The following FAM227B variants were observed in gnomAD, a reference collection of about 807,000 sequenced individuals.
The protein encoded by FAM227B is family with sequence similarity 227 member B, also known as protein FAM227B.
FAM227B carries 88 observed loss-of-function variants against 73.8 expected under a neutral mutation model. That is an observed-to-expected ratio of 1.19 (90% CI 1.00 to 1.42). The LOEUF is 1.42. FAM227B is among the 40% of genes most tolerant of loss of function. FAM227B has a pLI of 0.00. For synonymous variants in FAM227B, 210 were observed against 190.5 expected, an observed-to-expected ratio of 1.10 and a Z score of -0.84; for missense variants, 632 against 590.9, an observed-to-expected ratio of 1.07 and a Z score of -0.72.
chr15:49,419,934 T>A (rs16962436), intron 11 of FAM227B, among the ~76,000 whole-genome samples: 13,254 of 152,216 alleles, frequency 0.087, 1,939 homozygotes, highest in African/African-American at 0.31. Context: ...TTGTAGCACT[T>A]GTCCATGATG....
intron 10 of FAM227B, among the ~76,000 whole-genome samples, chr15:49,515,147 G>A (rs961169927): frequency 6.6e-6 from 1 of 152,016 alleles, no homozygotes; most frequent in Non-Finnish European, 1.5e-5. Flanking sequence ...GGTCTTGGAT[G>A]CTCTGTTCTG....
intron 9 of FAM227B, among the ~76,000 whole-genome samples, chr15:49,549,085 ACATTG>A (rs2072397822): frequency 1.3e-5 from 2 of 151,974 alleles, no homozygotes; most frequent in African/African-American, 4.8e-5. Flanking sequence ...TCTTTAAGAC[ACATTG>A]TTAGAGACTG....
chr15:49,420,674 G>A (rs886625205), intron 11 of FAM227B, among the ~76,000 whole-genome samples: 8 of 152,096 alleles, frequency 5.3e-5, no homozygotes, highest in Non-Finnish European at 1.0e-4. Context: ...CCCTTCTACT[G>A]ATTATATTAT....
chr15:49,427,032 G>A (rs1363079958), intron 11 of FAM227B, among the ~76,000 whole-genome samples: 1 of 151,834 alleles, frequency 6.6e-6, no homozygotes, highest in African/African-American at 2.4e-5. Context: ...GAAGTCCTTA[G>A]GTACAGAGGG....
intron 11 of FAM227B, among the ~76,000 whole-genome samples, chr15:49,447,303 A>G (rs2052313612): frequency 6.6e-6 from 1 of 151,578 alleles, no homozygotes; most frequent in African/African-American, 2.4e-5. Context: ...CTGGCAAAAT[A>G]CTCTCTTATC....
At chr15:49,571,986 G>A (rs891551964) in intron 8 of FAM227B, among the ~76,000 whole-genome samples, 2 of 151,812 alleles carry the variant, frequency 1.3e-5, no homozygotes, top group African/African-American at 4.8e-5. Context: ...ATAAACACAG[G>A]ATATCTTTCC....
At chr15:49,590,941 T>C (rs2076487284) in intron 3 of FAM227B, among the ~76,000 whole-genome samples, 1 of 152,038 alleles carries the variant, frequency 6.6e-6, no homozygotes, top group Non-Finnish European at 1.5e-5. Flanking sequence ...CTGGCTTATT[T>C]TACATAGCAT....
At chr15:49,466,591 G>A (rs2054288068) in intron 11 of FAM227B, among the ~76,000 whole-genome samples, 1 of 152,050 alleles carries the variant, frequency 6.6e-6, no homozygotes, top group Non-Finnish European at 1.5e-5. Context: ...TATATCTTAT[G>A]AATACATAAA....
intron 10 of FAM227B, among the ~76,000 whole-genome samples, chr15:49,533,441 G>A (rs146398754): frequency 6.6e-6 from 1 of 151,838 alleles, no homozygotes; most frequent in Non-Finnish European, 1.5e-5. Context: ...TTTCTCTGTA[G>A]AAATCTATCA....
chr15:49,398,770 G>C (rs1392324465), intron 11 of FAM227B, among the ~76,000 whole-genome samples: 4 of 37,278 alleles, frequency 1.1e-4, no homozygotes, highest in African/African-American at 5.0e-4. Flanking sequence ...ACGAAATGAA[G>C]GCAGAAATAA....
intron 11 of FAM227B, among the ~76,000 whole-genome samples, chr15:49,380,708 T>C (rs895140937): frequency 2.0e-5 from 3 of 152,118 alleles, no homozygotes; most frequent in Admixed American, 1.3e-4. Flanking sequence ...CTTTTTTTTC[T>C]ACTTTATTTT....
At position 49,397,243 on chromosome 15, in the gene FAM227B, A is replaced by G. The variant is rs140165111; in HGVS notation, c.1013-25844T>C. ...GACGCGATCAACTAGAAGAAAGGGT[A>G]TCAGCCATGGAAGATGAAATGAATG... On this transcript the variant is annotated intron_variant, in intron 11 of 15. Transcript: ENST00000299338. Among the ~76,000 whole-genome samples the G allele has an allele frequency of 6.9e-3, 1,057 of 152,318 alleles. 18 individuals are homozygous for G. Among genetic ancestry groups the G allele is most frequent in the African/African-American group, 0.024 (1,011 of 41,550 alleles).
At chr15:49,468,085 T>C (rs571570098) in intron 11 of FAM227B, among the ~76,000 whole-genome samples, 1 of 152,316 alleles carries the variant, frequency 6.6e-6, no homozygotes, top group South Asian at 2.1e-4. Context: ...CACATGCTGA[T>C]GTACTTTCTA....
chr15:49,411,944 C>A (rs886724586), intron 11 of FAM227B, among the ~76,000 whole-genome samples: 3 of 152,058 alleles, frequency 2.0e-5, no homozygotes, highest in African/African-American at 7.2e-5. Context: ...TTTACATCCT[C>A]ATTTGCAGAT....
intron 13 of FAM227B, among the ~76,000 whole-genome samples, chr15:49,345,512 A>T (rs1158154509): frequency 6.6e-6 from 1 of 152,176 alleles, no homozygotes; most frequent in Non-Finnish European, 1.5e-5. Flanking sequence ...TTTTTTCCGA[A>T]TTAGATAAAA....
intron 11 of FAM227B, chr15:49,486,163 C>G (rs1161401494): frequency 6.6e-6 from 1 of 151,878 alleles, no homozygotes; most frequent in Non-Finnish European, 1.5e-5. Context: ...CATTCAAGTC[C>G]CTTTACATAA....
chr15:49,328,721 A>G, intron 15 of FAM227B, 46 bp from the exon 16 acceptor site: 5 of 1,522,858 alleles, frequency 3.3e-6, no homozygotes, highest in Non-Finnish European at 4.4e-6. Flanking sequence ...CTTCTTGGAC[A>G]TTGTATAATT....
intron 5 of FAM227B, among the ~76,000 whole-genome samples, chr15:49,585,945 A>G (rs1430067324): frequency 6.6e-6 from 1 of 152,192 alleles, no homozygotes; most frequent in East Asian, 1.9e-4. Flanking sequence ...TAAAATGACC[A>G]TAACTTCCCA....
At chr15:49,593,364 C>T (rs1281325987) in intron 3 of FAM227B, among the ~76,000 whole-genome samples, 1 of 152,154 alleles carries the variant, frequency 6.6e-6, no homozygotes, top group Non-Finnish European at 1.5e-5. Flanking sequence ...CAGTTTTCAG[C>T]ATATAGAGCA....
Sources: allele counts gnomAD v4.1 joint callset (sites outside exome capture counted in the v4.1 genomes callset), GRCh38; gene constraint gnomAD v4.1.1; transcripts MANE v1.5; gene names NCBI Gene and HGNC (gene_info 2026-07-23, HGNC 2026-07-21).